The following IRGM variants were observed in gnomAD, a reference collection of about 807,000 sequenced individuals.
IRGM encodes immunity-related GTPase family M protein.
For synonymous variants in IRGM, 98 were observed against 80.6 expected (o/e 1.22, Z -1.16); for missense variants, 288 against 219.9 (o/e 1.31, Z -1.96).
downstream of IRGM, among the ~76,000 whole-genome samples, chr5:150,853,117 A>G (rs1753999503): frequency 6.6e-6 from 1 of 152,130 alleles, no homozygotes; most frequent in African/African-American, 2.4e-5. Flanking sequence ...CTGCTTTTAC[A>G]GCGTCCCATT....
chr5:150,899,697 G>T (rs961338053), intron 3 of IRGM, among the ~76,000 whole-genome samples: 1 of 152,006 alleles, frequency 6.6e-6, no homozygotes, highest in African/African-American at 2.4e-5. Flanking sequence ...ATGAATTTGG[G>T]TAAGAGTAGA....
intron 3 of IRGM, among the ~76,000 whole-genome samples, chr5:150,899,194 A>C (rs1257146410): frequency 1.3e-5 from 2 of 152,142 alleles, no homozygotes; most frequent in African/African-American, 2.4e-5. Context: ...CAGAACTATG[A>C]GACTAAATTT....
At chr5:150,880,003 C>T (rs1270713575) in intron 3 of IRGM, among the ~76,000 whole-genome samples, 1 of 152,146 alleles carries the variant, frequency 6.6e-6, no homozygotes, top group African/African-American at 2.4e-5. Flanking sequence ...GCTCTAGTCT[C>T]CCACTTTCTT....
intron 3 of IRGM, chr5:150,896,357 C>A: frequency 6.2e-7 from 1 of 1,613,604 alleles, no homozygotes; most frequent in Non-Finnish European, 8.5e-7. Context: ...CATATGGTTT[C>A]TTTCCAGTAT....
downstream of IRGM, among the ~76,000 whole-genome samples, chr5:150,852,597 G>A (rs1424523198): frequency 6.6e-5 from 10 of 152,090 alleles, no homozygotes; most frequent in Non-Finnish European, 1.3e-4. Flanking sequence ...GTGATGCAGT[G>A]TGGTATAAGG....
chr5:150,864,593 G>C (rs964681133), intron 1 of IRGM, among the ~76,000 whole-genome samples: 1 of 152,194 alleles, frequency 6.6e-6, no homozygotes, highest in African/African-American at 2.4e-5. Context: ...GCACACCCTG[G>C]AATGGTAGGC....
chr5:150,901,468 C>T (rs188402299), downstream of IRGM, among the ~76,000 whole-genome samples: 283 of 152,066 alleles, frequency 1.9e-3, 2 homozygotes, highest in Non-Finnish European at 5.4e-4. Flanking sequence ...CCACATTTGG[C>T]TGATGGCTAC....
intron 1 of IRGM, among the ~76,000 whole-genome samples, chr5:150,855,671 C>T (rs1754039042): frequency 6.6e-6 from 1 of 152,164 alleles, no homozygotes; most frequent in Non-Finnish European, 1.5e-5. Flanking sequence ...TTTGAGTTCA[C>T]TTAGGAATGA....
intron 1 of IRGM, among the ~76,000 whole-genome samples, chr5:150,870,922 C>G (rs1754273831): frequency 6.6e-6 from 1 of 151,436 alleles, no homozygotes; most frequent in South Asian, 2.1e-4. Context: ...TTGATCGAAT[C>G]TGAAGGAAAG....
In IRGM at chr5:150,883,243, C is replaced by T. The variant is rs78823607; in HGVS notation, c.*140+3597C>T. ...TCTTTTTCTAAATAATACTCTATTG[C>T]GCACTAATGAAAAAGCAGTTCTAAA... is the stretch of plus-strand genomic sequence containing the variant. On this transcript the variant is annotated intron_variant and NMD_transcript_variant, in intron 3 of 3. Coordinates refer to the IRGM transcript ENST00000520549. 5.3e-3 allele frequency among the ~76,000 whole-genome samples: 804 copies of T among 151,798 alleles called. 11 individuals carry two copies. The highest frequency in any genetic ancestry group is 0.019 in the African/African-American group (768 of 41,452).
Position 150,863,391 on chromosome 5 carries a change from G to A in IRGM, c.159-14589G>A, listed in dbSNP as rs149686533. 6.8e-3 allele frequency among the ~76,000 whole-genome samples: 1,039 copies of A among 152,212 alleles called. 13 individuals are homozygous for A. The highest frequency in any genetic ancestry group is 0.024 in the African/African-American group (993 of 41,524). ...TGTTGAAATTTTTGCAAGTTCAGTG[G>A]AAATGTTCTATTCGAGGCTGATGAT... is the stretch of plus-strand genomic sequence containing the variant. On this transcript the variant is annotated intron_variant and NMD_transcript_variant, in intron 1 of 3. Transcript: ENST00000520549.
chr5:150,898,716 AAG>A (rs1157665889), intron 3 of IRGM, among the ~76,000 whole-genome samples: 3 of 151,984 alleles, frequency 2.0e-5, no homozygotes, highest in Non-Finnish European at 4.4e-5. Flanking sequence ...AGGAGAAAAA[AAG>A]AGGTAAACCA....
intron 3 of IRGM, among the ~76,000 whole-genome samples, chr5:150,885,842 G>A (rs1475996169): frequency 1.3e-5 from 2 of 152,040 alleles, no homozygotes; most frequent in Non-Finnish European, 2.9e-5. Context: ...TTTAGATATA[G>A]AACCGTGCTA....
intron 3 of IRGM, among the ~76,000 whole-genome samples, chr5:150,891,613 A>G (rs1456434016): frequency 1.3e-5 from 2 of 152,092 alleles, no homozygotes; most frequent in Non-Finnish European, 1.5e-5. Flanking sequence ...TTCCCAATCT[A>G]CTGCCAAGTT....
downstream of IRGM, among the ~76,000 whole-genome samples, chr5:150,852,205 T>TCAGAA (rs760619358): frequency 2.4e-4 from 37 of 152,184 alleles, no homozygotes; most frequent in Admixed American, 5.9e-4. Context: ...AATGACTAAA[T>TCAGAA]CAGAACTGTG....
At chr5:150,891,543 A>G (rs1163900090) in intron 3 of IRGM, among the ~76,000 whole-genome samples, 3 of 151,928 alleles carry the variant, frequency 2.0e-5, no homozygotes, top group East Asian at 1.9e-4. Flanking sequence ...TTTGGATTTA[A>G]GCTATAACTC....
At chr5:150,848,768 C>T, downstream of IRGM, 2 of 872,164 alleles carry the variant, frequency 2.3e-6, no homozygotes, top group Non-Finnish European at 3.5e-6. Context: ...AGAAGGGTAT[C>T]TTACAATTTT....
chr5:150,900,206 G>A (rs375841169), intron 3 of IRGM, among the ~76,000 whole-genome samples: 5 of 152,174 alleles, frequency 3.3e-5, no homozygotes, highest in African/African-American at 1.2e-4. Flanking sequence ...GACTACTGCA[G>A]TCCAAACTGC....
intron 3 of IRGM, among the ~76,000 whole-genome samples, chr5:150,891,242 C>A (rs1219948804): frequency 6.6e-6 from 1 of 152,042 alleles, no homozygotes; most frequent in Non-Finnish European, 1.5e-5. Context: ...CTGATATTAA[C>A]ATAGGCCTTC....
Sources: allele counts gnomAD v4.1 joint callset (sites outside exome capture counted in the v4.1 genomes callset), GRCh38; gene constraint gnomAD v4.1.1; transcripts MANE v1.5; gene names NCBI Gene and HGNC (gene_info 2026-07-23, HGNC 2026-07-21).